The following PEX5L variants were observed in gnomAD, a reference collection of about 807,000 sequenced individuals.
PEX5L encodes PEX5-related protein.
In PEX5L, 30 loss-of-function variants were observed where a neutral mutation model predicts 84.0. The ratio of observed to expected loss-of-function variants is 0.36; its 90% confidence interval spans 0.27 to 0.48. The LOEUF is 0.48. Among genes scored for constraint, PEX5L ranks in the 20% least tolerant of loss-of-function variants. The pLI is 0.99. For synonymous variants in PEX5L, 270 were observed against 283.1 expected (o/e 0.95, Z 0.46); for missense variants, 533 against 754.6 (o/e 0.71, Z 3.44).
chr3:179,888,414 AT>A (rs1483067087), intron 3 of PEX5L, among the ~76,000 whole-genome samples: 1 of 152,144 alleles, frequency 6.6e-6, no homozygotes, highest in African/African-American at 2.4e-5. Flanking sequence ...TATAAAATCT[AT>A]TTGTAAAATA....
intron 2 of PEX5L, among the ~76,000 whole-genome samples, chr3:179,916,889 C>T (rs377339005): frequency 9.2e-5 from 14 of 151,810 alleles, no homozygotes; most frequent in Non-Finnish European, 1.5e-4. Context: ...AGGCTGGTCT[C>T]GAACTTCTGA....
chr3:179,989,401 C>T (rs906535624), intron 1 of PEX5L, among the ~76,000 whole-genome samples: 1 of 152,076 alleles, frequency 6.6e-6, no homozygotes, highest in Non-Finnish European at 1.5e-5. Context: ...ACTTAAAAAC[C>T]TCTCATGACA....
intron 2 of PEX5L, among the ~76,000 whole-genome samples, chr3:179,918,044 C>A (rs1767860636): frequency 6.6e-6 from 1 of 152,196 alleles, no homozygotes; most frequent in Non-Finnish European, 1.5e-5. Context: ...TTTAAAGATG[C>A]AGAAACTGAG....
In PEX5L at chr3:179,801,360, A is replaced by G. The variant is rs1329586922; in HGVS notation, c.*468T>C. 6.3e-6 allele frequency: 1 copy of G among 159,590 alleles called. No homozygotes were observed. Among genetic ancestry groups the G allele is most frequent in the East Asian group, 1.8e-4 (1 of 5,698 alleles). The allele number at this position is 159,590 out of a possible 1,614,324, so 9.9% of individuals were successfully genotyped here. A position where few individuals can be genotyped will look rare whatever the true frequency, so the allele number is the denominator to read the frequency against. On this transcript the variant is annotated 3_prime_UTR_variant, in exon 15 of 15. Coordinates refer to ENST00000467460, the MANE Select transcript of PEX5L (RefSeq NM_016559.3). ...TCTGTCTTTAGTCACAAGTTAATAT[A>G]TGTGCATGCACCAATGGCCCAAACT... is the stretch of plus-strand genomic sequence containing the variant.
At chr3:180,000,508 G>C (rs1357487570) in intron 1 of PEX5L, among the ~76,000 whole-genome samples, 1 of 152,130 alleles carries the variant, frequency 6.6e-6, no homozygotes, top group South Asian at 2.1e-4. Flanking sequence ...AAAAAACCAC[G>C]ACCTGCTGAG....
chr3:179,948,303 C>T (rs886507555), intron 2 of PEX5L, among the ~76,000 whole-genome samples: 2 of 152,190 alleles, frequency 1.3e-5, no homozygotes, highest in Admixed American at 6.5e-5. Context: ...CAAACAAAAT[C>T]CTGAGCAATT....
At chr3:180,024,745 C>A (rs1296903009) in intron 1 of PEX5L, among the ~76,000 whole-genome samples, 1 of 151,860 alleles carries the variant, frequency 6.6e-6, no homozygotes, top group African/African-American at 2.4e-5. Context: ...GAGGTCAGGG[C>A]TGGGGGTATA....
chr3:179,853,781 C>T (rs894411590), intron 8 of PEX5L, among the ~76,000 whole-genome samples: 3 of 147,888 alleles, frequency 2.0e-5, no homozygotes, highest in Non-Finnish European at 3.0e-5. Flanking sequence ...TCTTCTTCTT[C>T]TTCCTCTTCC....
chr3:179,980,096 T>A (rs1246371624), intron 1 of PEX5L, among the ~76,000 whole-genome samples: 2 of 152,310 alleles, frequency 1.3e-5, no homozygotes, highest in East Asian at 3.9e-4. Context: ...TCGATGTTTA[T>A]ACCTTCTCTA....
chr3:179,891,785 C>A (rs1757702148), intron 3 of PEX5L, among the ~76,000 whole-genome samples: 1 of 152,058 alleles, frequency 6.6e-6, no homozygotes, highest in African/African-American at 2.4e-5. Flanking sequence ...TAGCTTTTTC[C>A]ATCCCTTCCT....
rs552432701 is a variant in PEX5L at position 179,863,015 on chromosome 3, G to A, written c.727-3858C>T. 1.4e-4 allele frequency among the ~76,000 whole-genome samples: 22 copies of A among 152,254 alleles called. No homozygotes were observed. In the South Asian group the frequency reaches 4.3e-3, roughly 30 times the overall value. ...ATATAGACCAATGGAACAGAATAGA[G>A]AGCCCAGAAGTAAACCCATGCATTT... On this transcript the variant is annotated intron_variant, in intron 7 of 14. Coordinates refer to ENST00000467460, the MANE Select transcript of PEX5L (RefSeq NM_016559.3).
At chr3:179,813,096 T>C (rs545629291) in intron 10 of PEX5L, among the ~76,000 whole-genome samples, 6 of 152,214 alleles carry the variant, frequency 3.9e-5, no homozygotes, top group Non-Finnish European at 8.8e-5. Context: ...CAGCAACCTC[T>C]ATTTTGATTT....
At chr3:179,891,396 C>T (rs1757574342) in intron 3 of PEX5L, among the ~76,000 whole-genome samples, 2 of 152,080 alleles carry the variant, frequency 1.3e-5, no homozygotes, top group African/African-American at 2.4e-5. Context: ...TAGCAGGGCT[C>T]AAGCGTGAAA....
At chr3:179,982,137 A>G (rs1786389479) in intron 1 of PEX5L, among the ~76,000 whole-genome samples, 1 of 152,170 alleles carries the variant, frequency 6.6e-6, no homozygotes, top group Non-Finnish European at 1.5e-5. Context: ...AAGATTGGCA[A>G]GGTAAGGTAG....
At chr3:180,022,129 TG>T (rs1790476267) in intron 1 of PEX5L, among the ~76,000 whole-genome samples, 1 of 152,232 alleles carries the variant, frequency 6.6e-6, no homozygotes, top group African/African-American at 2.4e-5. Context: ...ATTTTTATTT[TG>T]GTATTTTAAT....
At chr3:179,974,710 C>G (rs999441138) in intron 1 of PEX5L, among the ~76,000 whole-genome samples, 46 of 152,230 alleles carry the variant, frequency 3.0e-4, no homozygotes, top group African/African-American at 1.1e-3. Context: ...TTTTTTGATA[C>G]TATTGCATTA....
At chr3:180,024,857 T>C (rs1790802536) in intron 1 of PEX5L, among the ~76,000 whole-genome samples, 1 of 152,146 alleles carries the variant, frequency 6.6e-6, no homozygotes, top group Admixed American at 6.5e-5. Flanking sequence ...GGTGTGTGTG[T>C]TAGCATTATT....
At position 179,812,866 on chromosome 3, in the gene PEX5L, A is replaced by G. The variant is rs183102940; in HGVS notation, c.1084-995T>C. Among the ~76,000 whole-genome samples, 343 of 151,132 alleles carry G rather than the reference A, an allele frequency of 2.3e-3. 3 individuals are homozygous for G. Among genetic ancestry groups the G allele is most frequent in the African/African-American group, 7.8e-3 (323 of 41,216 alleles). On this transcript the variant is annotated intron_variant, in intron 10 of 14. Transcript: ENST00000467460. ...CTTCCCAAGGCTGGGAGAGTTACAC[A>G]CTCCCCAAAGACTCTTACACACTCC...
chr3:179,902,162 T>C (rs1438819067), intron 2 of PEX5L: 3 of 152,526 alleles, frequency 2.0e-5, no homozygotes, highest in African/African-American at 7.2e-5. Context: ...CTTCCATAGA[T>C]AGTTGAGGAC....
Sources: allele counts gnomAD v4.1 joint callset (sites outside exome capture counted in the v4.1 genomes callset), GRCh38; gene constraint gnomAD v4.1.1; transcripts MANE v1.5; gene names NCBI Gene and HGNC (gene_info 2026-07-23, HGNC 2026-07-21).